MON2: variants seen among roughly 807,000 people sequenced by gnomAD.
MON2 encodes protein MON2 homolog.
In MON2, 84 loss-of-function variants were observed where a neutral mutation model predicts 208.6. The ratio of observed to expected loss-of-function variants is 0.40; its 90% confidence interval spans 0.34 to 0.48. MON2 has a LOEUF of 0.48. MON2 is among the 20% of genes least tolerant of loss of function. MON2 has a pLI of 0.59. For missense variants in MON2, 1,611 were observed against 2,015.4 expected (o/e 0.80, Z 3.84); for synonymous variants, 660 against 694.0 (o/e 0.95, Z 0.77).
intron 8 of MON2, among the ~76,000 whole-genome samples, chr12:62,517,127 C>G (rs750404509): frequency 6.6e-6 from 1 of 152,132 alleles, no homozygotes; most frequent in Admixed American, 6.5e-5. Flanking sequence ...CTCACTTGTT[C>G]CCTAAATATT....
chr12:62,505,290 T>G (rs1212048014), intron 7 of MON2, among the ~76,000 whole-genome samples: 1 of 152,220 alleles, frequency 6.6e-6, no homozygotes, highest in South Asian at 2.1e-4. Context: ...GTTGGACTTA[T>G]GCATTTCAAG....
rs200738634 is a variant in MON2 at position 62,560,677 on chromosome 12, T to C, written c.3596T>C (p.Ile1199Thr). ...GTTAATGTACCTGTGCCTGTTCTTA[T>C]AGGGCCCATATCAGGCATGAGCAGG... ...PVVNVPVPVL[I>T]GPISGMSRPF... The change falls in exon 26 of 35, where the codon ATA (isoleucine) becomes ACA (threonine). Residue 1199 changes from isoleucine to threonine, a missense_variant. Ile to Thr is a moderately conservative substitution (Grantham distance 89). Transcript: ENST00000393630. 8.1e-5 allele frequency: 130 copies of C among 1,614,006 alleles called. No homozygotes were observed. In the Middle Eastern group the frequency reaches 1.2e-3, roughly 14 times the overall value.
intron 24 of MON2, among the ~76,000 whole-genome samples, chr12:62,555,531 C>T (rs2073927314): frequency 6.6e-6 from 1 of 152,016 alleles, no homozygotes; most frequent in Non-Finnish European, 1.5e-5. Flanking sequence ...TAATTATGGC[C>T]AGGCACAGTG....
intron 2 of MON2, among the ~76,000 whole-genome samples, chr12:62,488,839 TA>T (rs2069945023): frequency 6.6e-6 from 1 of 152,144 alleles, no homozygotes; most frequent in Admixed American, 6.5e-5. Context: ...CCAGTCTTTT[TA>T]AATGTTTTAA....
intron 8 of MON2, among the ~76,000 whole-genome samples, chr12:62,510,086 C>A (rs1390780578): frequency 2.6e-5 from 4 of 151,904 alleles, no homozygotes; most frequent in African/African-American, 9.7e-5. Flanking sequence ...TTCCTTGAAA[C>A]ATACAACCTA....
intron 2 of MON2, chr12:62,490,204 G>A (rs569536719): frequency 2.2e-4 from 21 of 94,478 alleles, no homozygotes; most frequent in African/African-American, 8.7e-4. Flanking sequence ...CTATTAAAGA[G>A]TTACACTATT....
At chr12:62,496,008 G>A (rs970291094) in intron 4 of MON2, among the ~76,000 whole-genome samples, 2 of 152,006 alleles carry the variant, frequency 1.3e-5, no homozygotes, top group Non-Finnish European at 2.9e-5. Context: ...TACCATAGCA[G>A]TAAATGAATT....
rs111290970 is a variant in MON2 at position 62,521,055 on chromosome 12, G to A, written c.985-3460G>A. 6.0e-5 allele frequency among the ~76,000 whole-genome samples: 9 copies of A among 151,220 alleles called. 1 individual carries two copies. The highest frequency in any genetic ancestry group is 1.7e-4 in the African/African-American group (7 of 41,160). ...AATTTCACTCTCATTGCCCAGGTTG[G>A]AGTGCAGTGGCGCGATCTCGGCTCA... On this transcript the variant is annotated intron_variant, in intron 8 of 34. Coordinates refer to ENST00000393630, the MANE Select transcript of MON2 (RefSeq NM_015026.3).
At chr12:62,592,095 A>G (rs777054227) in intron 34 of MON2, among the ~76,000 whole-genome samples, 22 of 152,228 alleles carry the variant, frequency 1.4e-4, no homozygotes, top group Non-Finnish European at 2.6e-4. Flanking sequence ...ACAGTACAAG[A>G]CAAGAATGGA....
rs2074742563 is a variant in MON2, at chr12:62,575,593, A to C, written c.4515-2852A>C. On this transcript the variant is annotated intron_variant, in intron 30 of 34. Transcript: ENST00000393630. ...ATAAATCCTTTAACCTAATTAATAC[A>C]TACTCTAAGACTTTAAGAATAAACA... is the stretch of plus-strand genomic sequence containing the variant. Among the ~76,000 whole-genome samples the C allele has an allele frequency of 2.6e-5, 4 of 152,218 alleles. No individual in the cohort carries two copies. In the South Asian group the frequency reaches 8.3e-4, roughly 32 times the overall value.
Position 62,488,516 on chromosome 12 carries a change from T to C in MON2, c.175+4283T>C, listed in dbSNP as rs145398880. ...CCATTATGTGATATCCTGAGCAGCA[T>C]GATGGGAAGAGTTTGAGTCAGGGAA... is the stretch of plus-strand genomic sequence containing the variant. On this transcript the variant is annotated intron_variant, in intron 2 of 34. Coordinates refer to ENST00000393630, the MANE Select transcript of MON2 (RefSeq NM_015026.3). Among the ~76,000 whole-genome samples the C allele has an allele frequency of 4.2e-4, 64 of 152,230 alleles. No homozygotes were observed. The East Asian group carries it at 0.01, about 25-fold the overall frequency.
In MON2 at chr12:62,560,988, T is replaced by C. The variant is rs775448481; in HGVS notation, c.3907T>C (p.Leu1303=). Residue 1303 remains leucine, a synonymous_variant, in exon 26 of 35, where the codon TTG becomes CTG. Coordinates refer to ENST00000393630, the MANE Select transcript of MON2 (RefSeq NM_015026.3). ...TGACTTGCAAAAGTTGGGAGTCATATTGCACAGTGCTATTTCAGTCCCAAT... is the reference window on the plus strand; with the variant it reads ...TGACTTGCAAAAGTTGGGAGTCATACTGCACAGTGCTATTTCAGTCCCAAT... ...MDDLQKLGVI[L]HSAISVPISS... The C allele has an allele frequency of 3.2e-5, 51 of 1,614,018 alleles. No individual in the cohort carries two copies. The South Asian group carries it at 5.4e-4, about 17-fold the overall frequency.
chr12:62,551,312 T>A (rs75198063), intron 23 of MON2, among the ~76,000 whole-genome samples: 7,326 of 152,248 alleles, frequency 0.048, 205 homozygotes, highest in Middle Eastern at 0.075. Flanking sequence ...GGGTTATTAA[T>A]TGGCCTAATT....
rs199742446 is a variant in MON2, at chr12:62,494,091, T to C, written c.303+49T>C. On this transcript the variant is annotated intron_variant, in intron 3 of 34. Transcript: ENST00000393630. ...CTTCACCTAAGAGTTGAATCAGAAG[T>C]TTTCATGAAAGGAGAATGAAACATA... 5.5e-5 allele frequency: 83 copies of C among 1,522,188 alleles called. No individual in the cohort carries two copies. The East Asian group carries it at 1.8e-3, about 34-fold the overall frequency. The allele number at this position is 1,522,188 out of a possible 1,614,324, so 94.3% of individuals were successfully genotyped here. A position where few individuals can be genotyped will look rare whatever the true frequency, so the allele number is the denominator to read the frequency against.
At chr12:62,559,361 T>A (rs2074112631) in intron 25 of MON2, among the ~76,000 whole-genome samples, 1 of 152,180 alleles carries the variant, frequency 6.6e-6, no homozygotes, top group African/African-American at 2.4e-5. Context: ...TTGTTTGCTG[T>A]AGGGAAAAGA....
chr12:62,540,890 T>A (rs2073201376), intron 19 of MON2, among the ~76,000 whole-genome samples: 2 of 152,194 alleles, frequency 1.3e-5, no homozygotes, highest in African/African-American at 4.8e-5. Context: ...TATGCAGATA[T>A]TAAAATTAGT....
intron 18 of MON2, 42 bp from the exon 19 acceptor site, chr12:62,538,373 T>C: frequency 1.3e-6 from 2 of 1,587,016 alleles, no homozygotes; most frequent in Non-Finnish European, 8.7e-7. Context: ...ATTTGTTATA[T>C]ATTTTAGATC....
At position 62,599,560 on chromosome 12, in the gene MON2, T is replaced by C. The variant is rs910966675; in HGVS notation, c.*6811T>C. On this transcript the variant is annotated 3_prime_UTR_variant, in exon 35 of 35. Coordinates refer to ENST00000393630, the MANE Select transcript of MON2 (RefSeq NM_015026.3). Reference sequence around the variant, plus strand: ...TACCTAGTATGTGCAGGCCAAGGCTTTGCCTATATTATTCCCTTTAATCCT... The same window carrying C: ...TACCTAGTATGTGCAGGCCAAGGCTCTGCCTATATTATTCCCTTTAATCCT... The C allele has an allele frequency of 1.3e-5, 2 of 152,194 alleles. No individual in the cohort carries two copies. Among genetic ancestry groups the C allele is most frequent in the African/African-American group, 4.8e-5 (2 of 41,446 alleles). The allele number at this position is 152,194 out of a possible 1,614,324, so 9.4% of individuals were successfully genotyped here.
chr12:62,549,726 C>T lies in MON2; in HGVS notation c.2812C>T (p.Pro938Ser). Residue 938 changes from proline to serine, a missense_variant, in exon 23 of 35, where the codon CCA becomes TCA. By Grantham distance (74) the Pro-to-Ser change is moderately conservative. Transcript: ENST00000393630. ...CLQLVVTDFL[P>S]TMPCTCLQIV... ...TCAGTTGGTTGTGACAGATTTTCTA[C>T]CAACAATGCCTTGTACTTGCCTGCA... The T allele has an allele frequency of 6.2e-7, 1 of 1,612,580 alleles. No individual in the cohort carries two copies. Among genetic ancestry groups the T allele is most frequent in the African/African-American group, 1.3e-5 (1 of 74,954 alleles).
Sources: gnomAD v4.1 joint callset for allele counts (sites outside exome capture counted in the v4.1 genomes callset) on GRCh38, gnomAD v4.1.1 for gene constraint, MANE v1.5 for transcripts, NCBI Gene and HGNC (gene_info 2026-07-23, HGNC 2026-07-21) for gene names.